ZDHHC1: variants seen among roughly 807,000 people sequenced by gnomAD.
ZDHHC1 encodes the protein palmitoyltransferase ZDHHC1.
Under a neutral mutation model 46.9 loss-of-function variants are expected in ZDHHC1, and 45 were observed. The observed-to-expected ratio is 0.96, with a 90% CI of 0.76 to 1.23. ZDHHC1 has a LOEUF of 1.23. Among genes scored for constraint, ZDHHC1 ranks in the 50% most tolerant of loss-of-function variants. The pLI, the probability that ZDHHC1 is intolerant of heterozygous loss-of-function variation, is 0.00. For missense variants in ZDHHC1, 649 were observed against 670.8 expected, an observed-to-expected ratio of 0.97 and a Z score of 0.36; for synonymous variants, 291 against 286.0, an observed-to-expected ratio of 1.02 and a Z score of -0.18.
Position 67,394,670 on chromosome 16 carries a change from GA to G in ZDHHC1, c.1388del (p.Phe463SerfsTer2). The G allele has an allele frequency of 8.0e-7, 1 of 1,249,262 alleles. No individual in the cohort carries two copies. The highest frequency in any genetic ancestry group is 1.0e-6 in the Non-Finnish European group (1 of 999,630). The allele number at this position is 1,249,262 out of a possible 1,614,324, so 77.4% of individuals were successfully genotyped here. On this transcript the variant is annotated frameshift_variant, in exon 12 of 12. Coordinates refer to ENST00000565726, the MANE Select transcript of ZDHHC1 (RefSeq NM_001323627.2). LOFTEE classifies it low-confidence loss of function (END_TRUNC). ...LARQARAPAV[F>X]VSPSSGEPRA... ...TGGGCTCGCCGCTGCTCGGGCTCAC[GA>G]AAACGGCGGGCGCACGCGCCTGCCG...
intron 1 of ZDHHC1, 111 bp from the exon 2 acceptor site, chr16:67,407,924 T>A (rs866920666): frequency 3.3e-5 from 22 of 667,712 alleles, no homozygotes; most frequent in African/African-American, 3.0e-4. Context: ...GCCCTCTTTC[T>A]GCAGGGTCGT....
chr16:67,398,450 C>T, intron 7 of ZDHHC1, 123 bp downstream of exon 7: 1 of 1,513,688 alleles, frequency 6.6e-7, no homozygotes, highest in South Asian at 1.2e-5. Flanking sequence ...CAGGTGAGAC[C>T]TGGCCACCAT....
intron 1 of ZDHHC1, among the ~76,000 whole-genome samples, chr16:67,410,919 C>G (rs1026070573): frequency 2.6e-5 from 4 of 152,096 alleles, no homozygotes; most frequent in Non-Finnish European, 4.4e-5. Flanking sequence ...CCACTCAGCT[C>G]GGCCTCCCAA....
At chr16:67,398,113 C>A in intron 8 of ZDHHC1, 99 bp downstream of exon 8, 1 of 1,236,782 alleles carries the variant, frequency 8.1e-7, no homozygotes, top group Admixed American at 1.9e-5. Context: ...AGCGGCTGTT[C>A]CAGGCTTGCC....
At chr16:67,412,978 T>A (rs988368945) in intron 1 of ZDHHC1, among the ~76,000 whole-genome samples, 18 of 152,202 alleles carry the variant, frequency 1.2e-4, no homozygotes, top group Admixed American at 2.6e-4. Flanking sequence ...TTTTTGAATT[T>A]TTTTAATAGA....
intron 1 of ZDHHC1, among the ~76,000 whole-genome samples, chr16:67,413,399 C>T (rs564227357): frequency 4.5e-4 from 69 of 152,330 alleles, no homozygotes; most frequent in Non-Finnish European, 8.5e-4. Context: ...CAGATTTTTA[C>T]ACTGCAAAAA....
chr16:67,415,237 C>T (rs1232231698), intron 1 of ZDHHC1, among the ~76,000 whole-genome samples: 1 of 152,090 alleles, frequency 6.6e-6, no homozygotes, highest in Non-Finnish European at 1.5e-5. Context: ...GCAAGAGGAT[C>T]CCTTGAGACC....
In ZDHHC1 at chr16:67,406,470, C is replaced by A; in HGVS notation, c.10-28G>T. ...CCAGAGGGAGAAACAGTAGAGAGAG[C>A]ATTAGCCCAAGAAGCTGGGCTGGAG... is the stretch of plus-strand genomic sequence containing the variant. On this transcript the variant is annotated intron_variant, in intron 2 of 11. Transcript: ENST00000565726. This position sits in a 1 kb window ranked among gnomAD's most constrained non-coding sequence, Gnocchi z 4.1. 2 of 1,475,936 alleles carry A rather than the reference C, an allele frequency of 1.4e-6. 1 individual carries two copies. Among genetic ancestry groups the A allele is most frequent in the Middle Eastern group, 4.7e-4 (2 of 4,256 alleles). 91.4% of individuals were successfully genotyped at this position (1,475,936 alleles called of 1,614,324 possible). A position where few individuals can be genotyped will look rare whatever the true frequency, so the allele number is the denominator to read the frequency against.
In ZDHHC1 at chr16:67,401,376, G is replaced by A. The variant is rs2040550723; in HGVS notation, c.253-244C>T. Among the ~76,000 whole-genome samples, 1 of 152,268 alleles carries A rather than the reference G, an allele frequency of 6.6e-6. No individual in the cohort carries two copies. The highest frequency in any genetic ancestry group is 1.5e-5 in the Non-Finnish European group (1 of 68,046). On this transcript the variant is annotated intron_variant, in intron 3 of 11. Coordinates refer to ENST00000565726, the MANE Select transcript of ZDHHC1 (RefSeq NM_001323627.2). The surrounding 1 kb of genome is among the most constrained non-coding windows in gnomAD (Gnocchi z 4.6). ...AGTCCACAGCCAGCCAGCAGTGCCT[G>A]CTGTCGCCACCTAGGTGCCCAATCG...
chr16:67,413,382 C>T (rs934161144), intron 1 of ZDHHC1, among the ~76,000 whole-genome samples: 2 of 152,212 alleles, frequency 1.3e-5, no homozygotes, highest in African/African-American at 2.4e-5. Context: ...AAACACTTCA[C>T]GGTACACAGA....
At chr16:67,397,389 C>T (rs2040453508) in intron 8 of ZDHHC1, among the ~76,000 whole-genome samples, 1 of 152,158 alleles carries the variant, frequency 6.6e-6, no homozygotes, top group African/African-American at 2.4e-5. Flanking sequence ...ACAGTGGAGT[C>T]GCCACCCACA....
In ZDHHC1 at chr16:67,398,831, CGGTT is replaced by C; in HGVS notation, c.640_643del (p.Asn214AspfsTer6). On this transcript the variant is annotated frameshift_variant, in exon 6 of 12. Coordinates refer to ENST00000565726, the MANE Select transcript of ZDHHC1 (RefSeq NM_001323627.2). LOFTEE classifies it high-confidence loss of function. ...GAGCCTAAACTGACCTTCAAAGTGT[CGGTT>C]GGTGCGCAGACGCATGGGGTTGACA... 1 of 1,612,580 alleles carries C rather than the reference CGGTT, an allele frequency of 6.2e-7. No homozygotes were observed. Among genetic ancestry groups the C allele is most frequent in the Non-Finnish European group, 8.5e-7 (1 of 1,179,408 alleles).
intron 1 of ZDHHC1, 103 bp downstream of exon 1, chr16:67,416,068 G>A (rs1014383437): frequency 6.6e-6 from 1 of 152,280 alleles, no homozygotes; most frequent in African/African-American, 2.4e-5. Context: ...TCAGGCCACC[G>A]GCTCCAGGCG....
intron 4 of ZDHHC1, among the ~76,000 whole-genome samples, chr16:67,400,622 CAGTG>C (rs1356938559): frequency 2.0e-5 from 3 of 152,230 alleles, no homozygotes; most frequent in African/African-American, 4.8e-5. Context: ...GCTCAGCACA[CAGTG>C]AGTGTCAGGC....
Position 67,399,392 on chromosome 16 carries a change from T to TG in ZDHHC1, c.492dup (p.Lys165GlnfsTer54). The TG allele has an allele frequency of 1.9e-6, 3 of 1,613,346 alleles. No homozygotes were observed. Among genetic ancestry groups the TG allele is most frequent in the Middle Eastern group, 1.7e-4 (1 of 6,058 alleles). On this transcript the variant is annotated frameshift_variant, in exon 5 of 12. Coordinates refer to ENST00000565726, the MANE Select transcript of ZDHHC1 (RefSeq NM_001323627.2). LOFTEE classifies it high-confidence loss of function. ...TCGCCCACACAGTTGTTGAGCCACT[T>TG]GCAGTGGTGGTCGAAACCGCACACG...
intron 4 of ZDHHC1, among the ~76,000 whole-genome samples, chr16:67,400,517 T>C (rs1295315320): frequency 6.6e-6 from 1 of 152,228 alleles, no homozygotes; most frequent in Non-Finnish European, 1.5e-5. Flanking sequence ...CTGGCTCCGC[T>C]ATCAGTGGCT....
intron 4 of ZDHHC1, 62 bp downstream of exon 4, chr16:67,400,895 C>A (rs1188529892): frequency 1.3e-6 from 2 of 1,567,344 alleles, no homozygotes. Flanking sequence ...AGCCCTGGCA[C>A]CCCCTCTCCA....
At chr16:67,402,787 T>G (rs1220961791) in intron 3 of ZDHHC1, among the ~76,000 whole-genome samples, 1 of 152,136 alleles carries the variant, frequency 6.6e-6, no homozygotes, top group African/African-American at 2.4e-5. Flanking sequence ...CCACCACGCC[T>G]GGCTAATTTT....
intron 1 of ZDHHC1, among the ~76,000 whole-genome samples, chr16:67,412,847 C>A (rs1287329398): frequency 6.6e-6 from 1 of 151,994 alleles, no homozygotes; most frequent in Non-Finnish European, 1.5e-5. Flanking sequence ...GTTGCTCAGG[C>A]TGGAGTGCAG....
Sources: gnomAD v4.1 joint callset for allele counts (sites outside exome capture counted in the v4.1 genomes callset) on GRCh38, gnomAD v4.1.1 for gene constraint, Gnocchi (gnomAD v3.1) non-coding constraint, MANE v1.5 for transcripts, NCBI Gene and HGNC (gene_info 2026-07-23, HGNC 2026-07-21) for gene names.